Variants in SULF1 observed in about 807,000 individuals in gnomAD.
The protein encoded by SULF1 is sulfatase 1, also known as extracellular sulfatase Sulf-1.
A neutral mutation model predicts 110.5 loss-of-function variants in SULF1; 46 were observed. The ratio of observed to expected loss-of-function variants is 0.42; its 90% CI spans 0.33 to 0.53. SULF1 has a LOEUF of 0.53. SULF1 is among the 20% of genes least tolerant of loss of function. The probability of loss-of-function intolerance (pLI) is 0.12; values close to 1 mark genes in which losing one functional copy is unlikely to be tolerated. For synonymous variants in SULF1, 371 were observed against 387.1 expected (o/e 0.96, Z 0.49); for missense variants, 941 against 1,094.2 (o/e 0.86, Z 1.98).
intron 5 of SULF1, among the ~76,000 whole-genome samples, chr8:69,569,828 CCTT>C (rs896831683): frequency 1.3e-5 from 2 of 151,780 alleles, no homozygotes; most frequent in Non-Finnish European, 2.9e-5. Flanking sequence ...CTCTTTTTTC[CCTT>C]CTTCTCCCAA....
intron 3 of SULF1, among the ~76,000 whole-genome samples, chr8:69,502,690 C>CTTTTTTTTTTT (rs765285613): frequency 4.8e-5 from 6 of 125,910 alleles, no homozygotes; most frequent in Non-Finnish European, 6.6e-5. Flanking sequence ...CTTTTTTTTT[C>CTTTTTTTTTTT]TTTTTTTTTT....
At chr8:69,589,180 C>T in intron 8 of SULF1, 39 bp downstream of exon 8, 2 of 1,588,208 alleles carry the variant, frequency 1.3e-6, no homozygotes, top group Non-Finnish European at 8.6e-7. Flanking sequence ...GCCGAACATG[C>T]CTTTCCCTTT....
chr8:69,535,146 C>G (rs1033691261), intron 3 of SULF1, among the ~76,000 whole-genome samples: 1 of 152,196 alleles, frequency 6.6e-6, no homozygotes, highest in Admixed American at 6.5e-5. Flanking sequence ...GTCACCTGTT[C>G]TGTTTCCTTC....
At chr8:69,490,999 T>C (rs992624705), upstream of SULF1, among the ~76,000 whole-genome samples, 4 of 152,186 alleles carry the variant, frequency 2.6e-5, no homozygotes, top group Non-Finnish European at 5.9e-5. Context: ...CCTCAGGAAC[T>C]TGAGGCCAAA....
At chr8:69,558,928 T>TA (rs911765558) in intron 3 of SULF1, among the ~76,000 whole-genome samples, 22 of 152,110 alleles carry the variant, frequency 1.4e-4, no homozygotes, top group East Asian at 7.7e-4. Context: ...TATATTTTAT[T>TA]AAAAAAAACT....
At chr8:69,481,614 C>A (rs193241431) in intron 1 of SULF1, among the ~76,000 whole-genome samples, 59 of 152,242 alleles carry the variant, frequency 3.9e-4, no homozygotes, top group Middle Eastern at 3.4e-3. Flanking sequence ...TTCCTCCTCC[C>A]AACCACTCAC....
chr8:69,644,619 C>CA (rs59411303), intron 22 of SULF1, among the ~76,000 whole-genome samples: 2,479 of 143,882 alleles, frequency 0.017, 66 homozygotes, highest in African/African-American at 0.059. Flanking sequence ...ACTAAAAATA[C>CA]AAAAAAAAAA....
intron 19 of SULF1, among the ~76,000 whole-genome samples, chr8:69,631,275 C>T (rs1275916206): frequency 6.6e-6 from 1 of 152,162 alleles, no homozygotes; most frequent in Non-Finnish European, 1.5e-5. Flanking sequence ...CCCTTCATAC[C>T]TCTATCTGCT....
chr8:69,585,539 G>A (rs906124332), intron 6 of SULF1, among the ~76,000 whole-genome samples: 4 of 152,224 alleles, frequency 2.6e-5, no homozygotes, highest in African/African-American at 9.6e-5. Context: ...CACCCTCTCA[G>A]AGAGACCGAG....
chr8:69,526,784 C>T (rs1161292190), intron 3 of SULF1, among the ~76,000 whole-genome samples: 1 of 113,034 alleles, frequency 8.8e-6, no homozygotes, highest in African/African-American at 3.3e-5. Context: ...GAGTGAGACC[C>T]TGTGTCAAGA....
intron 10 of SULF1, 111 bp downstream of exon 10, chr8:69,601,940 T>A: frequency 8.5e-7 from 1 of 1,181,816 alleles, no homozygotes; most frequent in Admixed American, 2.5e-5. Flanking sequence ...CAAAAAAGGA[T>A]GTGTGTAGGC....
chr8:69,555,383 C>T (rs745835066), intron 3 of SULF1, among the ~76,000 whole-genome samples: 1 of 152,162 alleles, frequency 6.6e-6, no homozygotes, highest in Non-Finnish European at 1.5e-5. Flanking sequence ...GTGGGCTGGG[C>T]GTGGTGGCTC....
At chr8:69,481,941 G>T (rs1158013601) in intron 1 of SULF1, among the ~76,000 whole-genome samples, 4 of 152,074 alleles carry the variant, frequency 2.6e-5, no homozygotes, top group Non-Finnish European at 5.9e-5. Flanking sequence ...TCAAAGAAAA[G>T]ACCAGAAGAA....
intron 3 of SULF1, among the ~76,000 whole-genome samples, chr8:69,507,318 C>T (rs61219489): frequency 0.021 from 3,248 of 152,240 alleles, 125 homozygotes; most frequent in African/African-American, 0.073. Flanking sequence ...AGAAATACTG[C>T]CTTGTATCGT....
chr8:69,546,740 A>G (rs1814285166), intron 3 of SULF1, among the ~76,000 whole-genome samples: 1 of 152,220 alleles, frequency 6.6e-6, no homozygotes, highest in African/African-American at 2.4e-5. Flanking sequence ...ACTCTTTTAA[A>G]ACATAAGAGT....
At position 69,588,151 on chromosome 8, in the gene SULF1, T is replaced by A. The variant is rs115007648; in HGVS notation, c.565-821T>A. ...ACACACACTTAAAAGAAGCAGGTGG[T>A]TTAAGTTTTCATCTTTTCTTTCCTT... On this transcript the variant is annotated intron_variant, in intron 7 of 22. Coordinates refer to ENST00000402687, the MANE Select transcript of SULF1 (RefSeq NM_001128205.2). 5.9e-3 allele frequency among the ~76,000 whole-genome samples: 901 copies of A among 152,280 alleles called. 9 individuals are homozygous for A. Among genetic ancestry groups the A allele is most frequent in the African/African-American group, 0.021 (852 of 41,560 alleles).
chr8:69,636,053 G>C (rs1810970057), intron 19 of SULF1, among the ~76,000 whole-genome samples: 1 of 152,098 alleles, frequency 6.6e-6, no homozygotes, highest in Non-Finnish European at 1.5e-5. Context: ...AAAGTACATA[G>C]TGCACAAGGA....
At chr8:69,655,130 G>T (rs1038306817) in intron 22 of SULF1, among the ~76,000 whole-genome samples, 2 of 152,162 alleles carry the variant, frequency 1.3e-5, no homozygotes, top group Non-Finnish European at 2.9e-5. Context: ...ATCCCGTCGG[G>T]GCTACTGGCA....
At chr8:69,511,507 C>T (rs569434367) in intron 3 of SULF1, among the ~76,000 whole-genome samples, 2 of 152,310 alleles carry the variant, frequency 1.3e-5, no homozygotes, top group South Asian at 4.1e-4. Flanking sequence ...TGCTGAGCTT[C>T]ACGAAAGAGT....
Sources: allele counts gnomAD v4.1 joint callset (sites outside exome capture counted in the v4.1 genomes callset), GRCh38; gene constraint gnomAD v4.1.1; transcripts MANE v1.5; gene names NCBI Gene and HGNC (gene_info 2026-07-23, HGNC 2026-07-21).